TET2: variants seen among roughly 807,000 people sequenced by gnomAD.
TET2 encodes tet methylcytosine dioxygenase 2, also known as methylcytosine dioxygenase TET2.
A neutral mutation model predicts 142.9 loss-of-function variants in TET2; 299 were observed. That is an observed-to-expected ratio of 2.09 (90% confidence interval 1.90 to 2.30). The LOEUF is 2.30. Among genes scored for constraint, TET2 ranks in the 30% most tolerant of loss-of-function variants. The pLI is 0.00. For synonymous variants in TET2, 819 were observed against 849.0 expected, an observed-to-expected ratio of 0.96 and a Z score of 0.61; for missense variants, 2,418 against 2,378.0, an observed-to-expected ratio of 1.02 and a Z score of -0.35.
In TET2 at chr4:105,234,766, A is replaced by G. The variant is rs1042729299; in HGVS notation, c.824A>G (p.Asn275Ser). Residue 275 changes from asparagine to serine, a missense_variant, in exon 3 of 11, where the codon AAT (asparagine) becomes AGT (serine). Coordinates refer to ENST00000380013, the MANE Select transcript of TET2 (RefSeq NM_001127208.3). The part of the protein sequence containing the change: ...THPSHTSGQI[N>S]SAQTSNSELP... ...CCATCGCATACCTCAGGGCAGATCA[A>G]TTCCGCACAGACCTCTAACTCTGAG... 3.1e-6 allele frequency: 5 copies of G among 1,613,860 alleles called. No individual in the cohort carries two copies. The highest frequency in any genetic ancestry group is 1.7e-5 in the Admixed American group (1 of 59,958).
chr4:105,167,864 A>C (rs1724246656), intron 1 of TET2, among the ~76,000 whole-genome samples: 1 of 152,236 alleles, frequency 6.6e-6, no homozygotes, highest in African/African-American at 2.4e-5. Context: ...ACAGTCTTTA[A>C]AAATAAATGT....
chr4:105,261,945 T>C lies in TET2; in HGVS notation c.4044+97T>C, dbSNP rs2110288802. On this transcript the variant is annotated intron_variant, in intron 8 of 10. Transcript: ENST00000380013. ...TTTTGAAACAATGATTTTTAAATATTATTCTAACTTTTCCTCTTAATTGTT... is the reference window on the plus strand; with the variant it reads ...TTTTGAAACAATGATTTTTAAATATCATTCTAACTTTTCCTCTTAATTGTT... The C allele has an allele frequency of 2.4e-5, 18 of 747,122 alleles. 1 individual carries two copies. The South Asian group carries it at 3.4e-4, about 14-fold the overall frequency. The allele number at this position is 747,122 out of a possible 1,614,324, so 46.3% of individuals were successfully genotyped here. A position where few individuals can be genotyped will look rare whatever the true frequency, so the allele number is the denominator to read the frequency against.
chr4:105,170,586 A>AT (rs1724408827), intron 1 of TET2, among the ~76,000 whole-genome samples: 1 of 152,112 alleles, frequency 6.6e-6, no homozygotes, highest in South Asian at 2.1e-4. Flanking sequence ...ATTTATCCTC[A>AT]TTGGAAATTG....
At chr4:105,215,057 A>T (rs1727414546) in intron 2 of TET2, among the ~76,000 whole-genome samples, 1 of 152,120 alleles carries the variant, frequency 6.6e-6, no homozygotes, top group Admixed American at 6.6e-5. Flanking sequence ...CGGGAATTAA[A>T]TTGGAGGACA....
intron 1 of TET2, among the ~76,000 whole-genome samples, chr4:105,164,797 A>G (rs534570162): frequency 1.3e-5 from 2 of 152,336 alleles, no homozygotes; most frequent in South Asian, 4.1e-4. Flanking sequence ...GTAACAGCAC[A>G]GCCTCTGAAG....
rs569104931 is a variant in TET2, at chr4:105,242,714, C to T, written c.3501-120C>T. ...TAGACCTGTTTAAAAAATAATAAAC[C>T]GTTCATTTCTCAGGATGTGGTCATA... On this transcript the variant is annotated intron_variant, in intron 4 of 10. Coordinates refer to ENST00000380013, the MANE Select transcript of TET2 (RefSeq NM_001127208.3). 4.5e-5 allele frequency: 66 copies of T among 1,457,150 alleles called. No individual in the cohort carries two copies. The Middle Eastern group carries it at 5.4e-4, about 12-fold the overall frequency. 90.3% of individuals were successfully genotyped at this position (1,457,150 alleles called of 1,614,324 possible). A position where few individuals can be genotyped will look rare whatever the true frequency, so the allele number is the denominator to read the frequency against.
At chr4:105,213,831 A>C (rs1436179761) in intron 2 of TET2, among the ~76,000 whole-genome samples, 2 of 152,046 alleles carry the variant, frequency 1.3e-5, no homozygotes, top group Non-Finnish European at 2.9e-5. Context: ...CTAGTACAGT[A>C]CTCTGCTCAC....
intron 7 of TET2, among the ~76,000 whole-genome samples, chr4:105,260,851 C>T (rs1730389191): frequency 6.6e-6 from 1 of 152,024 alleles, no homozygotes; most frequent in African/African-American, 2.4e-5. Flanking sequence ...ATGAAAAGTA[C>T]TGATTTTGCT....
chr4:105,251,457 T>C (rs545694344), intron 6 of TET2, among the ~76,000 whole-genome samples: 2 of 152,346 alleles, frequency 1.3e-5, no homozygotes, highest in East Asian at 3.9e-4. Context: ...GTTGAACTTT[T>C]CTCAAATGCT....
At position 105,242,865 on chromosome 4, in the gene TET2, GA is replaced by G. The variant is rs1398076068; in HGVS notation, c.3535del (p.Arg1179GlufsTer47). Reference protein sequence around the residue: ...FGQKGKAIRIERVIYTGKEGK... With the variant: ...FGQKGKAIRIXRVIYTGKEGK... The stretch of plus-strand genomic sequence containing the variant: ...ACAGAAGGGTAAAGCTATTAGGATT[GA>G]AAGAGTCATCTATACTGGTAAAGAA... On this transcript the variant is annotated frameshift_variant, in exon 5 of 11. Transcript: ENST00000380013. LOFTEE classifies it high-confidence loss of function. 1.3e-6 allele frequency: 2 copies of G among 1,551,300 alleles called. No individual in the cohort carries two copies. Among genetic ancestry groups the G allele is most frequent in the Non-Finnish European group, 1.7e-6 (2 of 1,146,866 alleles).
chr4:105,236,604 C>T lies in TET2; in HGVS notation c.2662C>T (p.Gln888Ter), dbSNP rs746633394. 3.1e-6 allele frequency: 5 copies of T among 1,614,030 alleles called. No individual in the cohort carries two copies. The highest frequency in any genetic ancestry group is 3.4e-6 in the Non-Finnish European group (4 of 1,180,002). ...TCACAGGTGCTTTCAAGAACAGGAG[C>T]AGAAGTCACAACAAGCTTCAGTTCT... ...LLHRCFQEQE[Q>*]KSQQASVLQG... The change falls in exon 3 of 11, where the codon CAG becomes TAG. Residue 888 changes from glutamine (Q) to a stop codon, truncating the protein, a stop_gained. Coordinates refer to ENST00000380013, the MANE Select transcript of TET2 (RefSeq NM_001127208.3). LOFTEE classifies it high-confidence loss of function.
intron 2 of TET2, among the ~76,000 whole-genome samples, chr4:105,197,412 A>T (rs576701370): frequency 2.7e-4 from 41 of 152,246 alleles, no homozygotes; most frequent in African/African-American, 9.1e-4. Flanking sequence ...TTGATTATAG[A>T]TTTTCTTATC....
In TET2 at chr4:105,236,486, TAC is replaced by T. The variant is rs2110234075; in HGVS notation, c.2548_2549del (p.His850SerfsTer2). The T allele has an allele frequency of 6.2e-7, 1 of 1,614,092 alleles. No homozygotes were observed. Among genetic ancestry groups the T allele is most frequent in the Non-Finnish European group, 8.5e-7 (1 of 1,179,998 alleles). ...HLVSENKEQT[T>X]HPELFAGNKT... ...TAGTTTCAGAGAATAAAGAACAGAC[TAC>T]ACATCCTGAACTTTTTGCAGGAAAC... On this transcript the variant is annotated frameshift_variant, in exon 3 of 11. Transcript: ENST00000380013. LOFTEE classifies it high-confidence loss of function.
chr4:105,216,163 T>C (rs187729278), intron 2 of TET2, among the ~76,000 whole-genome samples: 1 of 152,280 alleles, frequency 6.6e-6, no homozygotes, highest in East Asian at 1.9e-4. Context: ...GTTTGGCTAG[T>C]ATTTCTGGGG....
intron 2 of TET2, among the ~76,000 whole-genome samples, chr4:105,223,988 G>A (rs143912360): frequency 4.1e-4 from 62 of 151,872 alleles, no homozygotes; most frequent in African/African-American, 1.5e-3. Context: ...TATACTTGTA[G>A]TATTAGGACA....
rs1384190846 is a variant in TET2 at position 105,275,884 on chromosome 4, C to T, written c.5374C>T (p.His1792Tyr). 4 of 1,552,006 alleles carry T rather than the reference C, an allele frequency of 2.6e-6. No homozygotes were observed. Among genetic ancestry groups the T allele is most frequent in the East Asian group, 2.4e-5 (1 of 40,924 alleles). The change falls in exon 11 of 11, where the codon CAC (histidine) becomes TAC (tyrosine). Residue 1792 changes from histidine (H) to tyrosine (Y), a missense_variant. By Grantham distance (83) the His-to-Tyr change is moderately conservative (BLOSUM62 2). Coordinates refer to ENST00000380013, the MANE Select transcript of TET2 (RefSeq NM_001127208.3). ...AAACAAGGAGAATGACATGCTTTCC[C>T]ACACAGCTAATGGGTTATCAAAGAT... ...LQNKENDMLS[H>Y]TANGLSKMLP...
chr4:105,197,516 G>A (rs1369712849), intron 2 of TET2, among the ~76,000 whole-genome samples: 1 of 152,194 alleles, frequency 6.6e-6, no homozygotes, highest in African/African-American at 2.4e-5. Flanking sequence ...GAGGCCATAT[G>A]TTTGAGAGTG....
At chr4:105,157,866 A>G (rs1028694783) in intron 1 of TET2, among the ~76,000 whole-genome samples, 2 of 151,980 alleles carry the variant, frequency 1.3e-5, no homozygotes, top group Admixed American at 6.6e-5. Flanking sequence ...TAGTAGAAAC[A>G]GCGTTTCGCC....
At chr4:105,189,746 A>G (rs1262807277) in intron 1 of TET2, among the ~76,000 whole-genome samples, 4 of 152,226 alleles carry the variant, frequency 2.6e-5, no homozygotes, top group Non-Finnish European at 4.4e-5. Flanking sequence ...CTTTTAAAGT[A>G]TATGTCCAGT....
Sources: gnomAD v4.1 joint callset for allele counts (sites outside exome capture counted in the v4.1 genomes callset) on GRCh38, gnomAD v4.1.1 for gene constraint, MANE v1.5 for transcripts, NCBI Gene and HGNC (gene_info 2026-07-23, HGNC 2026-07-21) for gene names.